The following CWC27 variants were observed in gnomAD, a reference collection of about 807,000 sequenced individuals.
The protein encoded by CWC27 is CWC27 spliceosome associated cyclophilin, also known as spliceosome-associated protein CWC27 homolog.
A neutral mutation model predicts 63.6 loss-of-function variants in CWC27; 47 were observed. The observed-to-expected ratio is 0.74, with a 90% CI of 0.58 to 0.94. CWC27 has a LOEUF of 0.94. CWC27 is among the 40% of genes least tolerant of loss of function. The probability of loss-of-function intolerance (pLI) is 0.00; values close to 1 mark genes in which losing one functional copy is unlikely to be tolerated. For missense variants in CWC27, 495 were observed against 554.3 expected (o/e 0.89, Z 1.07); for synonymous variants, 175 against 179.8 (o/e 0.97, Z 0.22).
At chr5:64,887,509 A>G (rs1747104636) in intron 11 of CWC27, among the ~76,000 whole-genome samples, 2 of 152,056 alleles carry the variant, frequency 1.3e-5, no homozygotes, top group Non-Finnish European at 2.9e-5. Context: ...TGAAACTGCA[A>G]GCATGCACCA....
chr5:64,951,586 G>A (rs1748709906), intron 11 of CWC27, among the ~76,000 whole-genome samples: 1 of 151,786 alleles, frequency 6.6e-6, no homozygotes. Flanking sequence ...TGTTTTATTG[G>A]AGAACATTTT....
chr5:64,798,063 C>A (rs1227820628), intron 7 of CWC27, among the ~76,000 whole-genome samples: 4 of 152,260 alleles, frequency 2.6e-5, no homozygotes, highest in South Asian at 2.1e-4. Context: ...TGAAAATAAT[C>A]TGACGGCCAG....
chr5:64,840,829 A>G (rs1745815004), intron 10 of CWC27, among the ~76,000 whole-genome samples: 1 of 152,108 alleles, frequency 6.6e-6, no homozygotes, highest in Admixed American at 6.6e-5. Context: ...ATAAGGGGCT[A>G]ATCAAGGCAT....
chr5:65,016,172 G>C (rs1750044700), intron 13 of CWC27, among the ~76,000 whole-genome samples: 1 of 152,078 alleles, frequency 6.6e-6, no homozygotes. Flanking sequence ...AAACGCTGTA[G>C]GAAATTGAAC....
intron 12 of CWC27, among the ~76,000 whole-genome samples, chr5:64,974,152 C>A (rs1454713294): frequency 6.6e-6 from 1 of 151,576 alleles, no homozygotes; most frequent in Non-Finnish European, 1.5e-5. Flanking sequence ...GCATGAGGAT[C>A]GCTTGAGCCC....
intron 10 of CWC27, among the ~76,000 whole-genome samples, chr5:64,830,545 G>A (rs1316163576): frequency 6.6e-6 from 1 of 152,112 alleles, no homozygotes; most frequent in Admixed American, 6.5e-5. Flanking sequence ...AACACTGAAA[G>A]CAATGGCAAC....
At chr5:64,836,442 A>G (rs754756533) in intron 10 of CWC27, among the ~76,000 whole-genome samples, 2 of 152,058 alleles carry the variant, frequency 1.3e-5, no homozygotes, top group Non-Finnish European at 2.9e-5. Context: ...TTAATCAGAA[A>G]TATCTCCTCT....
At chr5:64,806,499 A>T (rs944066471) in intron 10 of CWC27, among the ~76,000 whole-genome samples, 1 of 152,182 alleles carries the variant, frequency 6.6e-6, no homozygotes, top group Non-Finnish European at 1.5e-5. Context: ...CATTTTCATT[A>T]TTCACATTCT....
At chr5:64,881,732 T>C (rs1042231429) in intron 10 of CWC27, among the ~76,000 whole-genome samples, 1 of 152,184 alleles carries the variant, frequency 6.6e-6, no homozygotes, top group Non-Finnish European at 1.5e-5. Context: ...AGCTATGTTC[T>C]ACTCCCTCTA....
At chr5:64,850,103 C>T (rs1746097177) in intron 10 of CWC27, among the ~76,000 whole-genome samples, 1 of 151,720 alleles carries the variant, frequency 6.6e-6, no homozygotes, top group African/African-American at 2.4e-5. Context: ...ACACAAAAAT[C>T]CCTTAAATAG....
chr5:64,965,146 C>G (rs942767780), intron 11 of CWC27, among the ~76,000 whole-genome samples: 5 of 152,156 alleles, frequency 3.3e-5, no homozygotes, highest in African/African-American at 9.7e-5. Context: ...CTGTCGCTCT[C>G]TTTAGAGCAT....
chr5:64,853,954 A>G lies in CWC27; in HGVS notation c.939-31489A>G, dbSNP rs574406583. On this transcript the variant is annotated intron_variant, in intron 10 of 13. Coordinates refer to ENST00000381070, the MANE Select transcript of CWC27 (RefSeq NM_005869.4). ...CTGGCAAAACTGAAACTCTGTACCT[A>G]TTAAATAACGCCTCATTTCCCTGTG... is the stretch of plus-strand genomic sequence containing the variant. Among the ~76,000 whole-genome samples, 38 of 152,342 alleles carry G rather than the reference A, an allele frequency of 2.5e-4. No homozygotes were observed. In the South Asian group the frequency reaches 7.9e-3, roughly 32 times the overall value.
chr5:64,801,264 C>T (rs1042933429), intron 8 of CWC27, 38 bp from the exon 9 acceptor site: 8 of 1,392,594 alleles, frequency 5.7e-6, no homozygotes, highest in African/African-American at 1.5e-5. Context: ...TTAGTTTTAC[C>T]TTGAAACTAA....
At chr5:64,968,279 G>C (rs889616246) in intron 11 of CWC27, among the ~76,000 whole-genome samples, 1 of 152,020 alleles carries the variant, frequency 6.6e-6, no homozygotes, top group South Asian at 2.1e-4. Flanking sequence ...ATTGCGAGTG[G>C]AATGATGCAG....
Position 64,818,875 on chromosome 5 carries a change from T to C in CWC27, c.938+14489T>C, listed in dbSNP as rs111772703. 4.9e-3 allele frequency among the ~76,000 whole-genome samples: 748 copies of C among 152,330 alleles called. 5 individuals carry two copies. The highest frequency in any genetic ancestry group is 0.017 in the African/African-American group (705 of 41,578). On this transcript the variant is annotated intron_variant, in intron 10 of 13. Coordinates refer to ENST00000381070, the MANE Select transcript of CWC27 (RefSeq NM_005869.4). ...TATTTTAGTGAAGTTTTAAAAATTA[T>C]GTTTTGTTCCTTTTATTGTTTTAGC...
At chr5:64,946,921 C>T (rs1748601821) in intron 11 of CWC27, among the ~76,000 whole-genome samples, 1 of 152,072 alleles carries the variant, frequency 6.6e-6, no homozygotes, top group Non-Finnish European at 1.5e-5. Context: ...AGCATCTTAA[C>T]ACCAACCAGA....
At chr5:64,804,831 C>T (rs971686217) in intron 10 of CWC27, 11 of 152,810 alleles carry the variant, frequency 7.2e-5, no homozygotes, top group African/African-American at 2.7e-4. Context: ...CTTTTCAAGT[C>T]TGATTTACCA....
At chr5:64,807,759 CA>C in intron 10 of CWC27, 1 of 1,535,954 alleles carries the variant, frequency 6.5e-7, no homozygotes, top group Non-Finnish European at 8.7e-7. Context: ...CTTCACACTT[CA>C]AACTCACTCA....
rs143809141 is a variant in CWC27 at position 64,964,637 on chromosome 5, T to C, written c.1043-7066T>C. 2.1e-3 allele frequency among the ~76,000 whole-genome samples: 315 copies of C among 152,334 alleles called. 2 individuals are homozygous for C. Among genetic ancestry groups the C allele is most frequent in the African/African-American group, 6.0e-3 (248 of 41,578 alleles). On this transcript the variant is annotated intron_variant, in intron 11 of 13. Coordinates refer to ENST00000381070, the MANE Select transcript of CWC27 (RefSeq NM_005869.4). Reference sequence around the variant, plus strand: ...TTAGGGAACATCTGCTTTAATTTTATAGCTGTTTGTGAGAAAATTATCACA... The same window carrying C: ...TTAGGGAACATCTGCTTTAATTTTACAGCTGTTTGTGAGAAAATTATCACA...
Sources: allele counts gnomAD v4.1 joint callset (sites outside exome capture counted in the v4.1 genomes callset), GRCh38; gene constraint gnomAD v4.1.1; transcripts MANE v1.5; gene names NCBI Gene and HGNC (gene_info 2026-07-23, HGNC 2026-07-21).